Variants in TC2N observed in about 807,000 individuals in gnomAD.
The protein encoded by TC2N is tandem C2 domains, nuclear, also known as tandem C2 domains nuclear protein.
A neutral mutation model predicts 61.9 loss-of-function variants in TC2N; 51 were observed. The observed-to-expected ratio is 0.82, with a 90% CI of 0.66 to 1.04. The LOEUF (loss-of-function observed/expected upper bound fraction) is 1.04, where lower values mean the gene tolerates loss of function less well. Ranked by LOEUF, TC2N falls within the 50% of genes least tolerant of loss-of-function variation. The pLI is 0.00. For missense variants in TC2N, 556 were observed against 566.7 expected (o/e 0.98, Z 0.19); for synonymous variants, 204 against 192.6 (o/e 1.06, Z -0.49).
Position 91,802,273 on chromosome 14 carries a change from C to T in TC2N, c.450G>A (p.Val150=). 6.3e-7 allele frequency: 1 copy of T among 1,591,102 alleles called. No individual in the cohort carries two copies. The change falls in exon 4 of 12, where the codon GTG becomes GTA. Residue 150 remains valine, a synonymous_variant. Transcript: ENST00000435962. ...LSRRFPPRSE[V]KRLYGSVCDL... is the part of the protein sequence containing the mutation. The stretch of plus-strand genomic sequence containing the variant: ...TCATACCCGATCCATACAGTCTCTT[C>T]ACTTCTGAACGGGGAGGAAAGCGTC...
intron 1 of TC2N, chr14:91,866,167 T>C (rs543876207): frequency 2.0e-5 from 3 of 152,280 alleles, no homozygotes; most frequent in Admixed American, 6.5e-5. Context: ...GGTGACCCCG[T>C]TGGCTCAGAA....
At chr14:91,814,613 G>A (rs1281057608) in intron 1 of TC2N, among the ~76,000 whole-genome samples, 1 of 150,942 alleles carries the variant, frequency 6.6e-6, no homozygotes, top group Non-Finnish European at 1.5e-5. Flanking sequence ...TAAAAGAAAA[G>A]AGATGAAAAG....
chr14:91,834,803 C>A (rs957167448), intron 1 of TC2N, among the ~76,000 whole-genome samples: 5 of 152,166 alleles, frequency 3.3e-5, no homozygotes, highest in African/African-American at 1.2e-4. Context: ...TCCTCAGACT[C>A]CTTGGCTGTC....
At chr14:91,800,981 CAT>C (rs1218011028) in intron 4 of TC2N, among the ~76,000 whole-genome samples, 1 of 150,536 alleles carries the variant, frequency 6.6e-6, no homozygotes, top group African/African-American at 2.4e-5. Context: ...TACATATATA[CAT>C]ATATATACAC....
chr14:91,783,858 AC>A (rs1369225528), intron 11 of TC2N, among the ~76,000 whole-genome samples: 3 of 152,128 alleles, frequency 2.0e-5, no homozygotes, highest in South Asian at 4.1e-4. Flanking sequence ...AAATGCTTTT[AC>A]CTTGAAGTTA....
intron 9 of TC2N, among the ~76,000 whole-genome samples, chr14:91,789,038 A>T (rs1885505463): frequency 6.6e-6 from 1 of 152,214 alleles, no homozygotes. Flanking sequence ...AGATAGAGTC[A>T]TACTGTTTAT....
chr14:91,812,415 T>C lies in TC2N; in HGVS notation c.198A>G (p.Leu66=), dbSNP rs1018876078. 1.2e-6 allele frequency: 2 copies of C among 1,612,678 alleles called. No individual in the cohort carries two copies. The highest frequency in any genetic ancestry group is 3.3e-5 in the Admixed American group (2 of 59,892). The stretch of plus-strand genomic sequence containing the variant: ...ATGGTACTTCTTTGCCATCAGATGG[T>C]AATTTGGAAAGCAAATAATCCTCAG... ...GCTEDYLLSK[L]PSDGKEVPFV... is the part of the protein sequence containing the mutation. The change falls in exon 3 of 12, where the codon TTA becomes TTG. Residue 66 remains leucine, a synonymous_variant. Coordinates refer to ENST00000435962, the MANE Select transcript of TC2N (RefSeq NM_001128596.3).
intron 2 of TC2N, 62 bp from the exon 3 acceptor site, chr14:91,812,607 C>A: frequency 2.6e-6 from 2 of 782,596 alleles, no homozygotes; most frequent in Non-Finnish European, 2.1e-6. Context: ...ATAATCTAAA[C>A]CTAGCATACT....
chr14:91,866,360 G>A (rs1888702990), intron 1 of TC2N: 1 of 152,192 alleles, frequency 6.6e-6, no homozygotes, highest in East Asian at 1.9e-4. Context: ...GCAACAGGTA[G>A]GTGGATTTTG....
chr14:91,814,573 T>A, intron 1 of TC2N, among the ~76,000 whole-genome samples: 1 of 139,448 alleles, frequency 7.2e-6, no homozygotes, highest in Non-Finnish European at 1.6e-5. Context: ...GAGAAAGAGG[T>A]AAGAAAAGGA....
chr14:91,841,507 C>A (rs1253161080), intron 1 of TC2N, among the ~76,000 whole-genome samples: 2 of 152,214 alleles, frequency 1.3e-5, no homozygotes, highest in Admixed American at 1.3e-4. Flanking sequence ...TGGTGGCAGA[C>A]ACACACAGAG....
At chr14:91,831,938 A>C (rs1305903428) in intron 1 of TC2N, among the ~76,000 whole-genome samples, 2 of 152,236 alleles carry the variant, frequency 1.3e-5, no homozygotes, top group Non-Finnish European at 2.9e-5. Context: ...AAGTTGACAG[A>C]GTCAACTATA....
intron 1 of TC2N, among the ~76,000 whole-genome samples, chr14:91,854,575 A>C (rs1044838921): frequency 7.2e-5 from 11 of 152,226 alleles, no homozygotes; most frequent in African/African-American, 2.4e-4. Context: ...AAGATGCAAA[A>C]GACCAAACAA....
At chr14:91,799,176 A>G (rs1396444519) in intron 5 of TC2N, 112 bp from the exon 6 acceptor site, 2 of 653,114 alleles carry the variant, frequency 3.1e-6, no homozygotes, top group Non-Finnish European at 5.1e-6. Context: ...CTATTTTGAC[A>G]GTGTTACAGG....
At chr14:91,798,872 A>T in intron 6 of TC2N, 117 bp downstream of exon 6, 2 of 629,672 alleles carry the variant, frequency 3.2e-6, no homozygotes, top group Non-Finnish European at 5.3e-6. Context: ...TTAATTTATT[A>T]TATCAACATA....
Position 91,783,121 on chromosome 14 carries a change from C to T in TC2N, c.1452G>A (p.Trp484Ter). 1 of 1,607,808 alleles carries T rather than the reference C, an allele frequency of 6.2e-7. No individual in the cohort carries two copies. The highest frequency in any genetic ancestry group is 1.1e-5 in the South Asian group (1 of 90,762). Residue 484 changes from tryptophan (W) to a stop codon, truncating the protein, a stop_gained, in exon 12 of 12, where the codon TGG becomes TGA. Transcript: ENST00000435962. LOFTEE classifies it high-confidence loss of function. Reference protein sequence around the residue: ...VINPEKVVIRWHKLNPS With the variant: ...VINPEKVVIR ...GTCTTCAAGATGGATTTAATTTGTG[C>T]CACCTGATAACAACCTTTTCTGGAT...
intron 1 of TC2N, among the ~76,000 whole-genome samples, chr14:91,853,280 C>T (rs989397631): frequency 5.3e-5 from 8 of 152,106 alleles, no homozygotes; most frequent in Non-Finnish European, 1.2e-4. Flanking sequence ...GCAGAGGGAC[C>T]AGGTAACTGA....
chr14:91,823,633 A>G (rs1039631655), intron 1 of TC2N, among the ~76,000 whole-genome samples: 1 of 152,076 alleles, frequency 6.6e-6, no homozygotes, highest in African/African-American at 2.4e-5. Flanking sequence ...CCAAACCCTA[A>G]GCTTCACAAC....
chr14:91,849,013 G>GT (rs1888323446), intron 1 of TC2N, among the ~76,000 whole-genome samples: 1 of 152,100 alleles, frequency 6.6e-6, no homozygotes, highest in African/African-American at 2.4e-5. Flanking sequence ...CTTTGACCTT[G>GT]TGCTGCCACC....
Sources: gnomAD v4.1 joint callset for allele counts (sites outside exome capture counted in the v4.1 genomes callset) on GRCh38, gnomAD v4.1.1 for gene constraint, MANE v1.5 for transcripts, NCBI Gene and HGNC (gene_info 2026-07-23, HGNC 2026-07-21) for gene names.